The following COL21A1 variants were observed in gnomAD, a reference collection of about 807,000 sequenced individuals.
COL21A1 encodes the protein collagen type XXI alpha 1 chain, also known as collagen alpha-1(XXI) chain.
Under a neutral mutation model 137.9 loss-of-function variants are expected in COL21A1, and 149 were observed. That is an observed-to-expected ratio of 1.08 (90% CI 0.95 to 1.24). The LOEUF is 1.24. Among genes scored for constraint, COL21A1 ranks in the 50% most tolerant of loss-of-function variants. COL21A1 has a pLI of 0.00. For synonymous variants in COL21A1, 456 were observed against 391.5 expected (o/e 1.16, Z -1.95); for missense variants, 1,167 against 1,158.4 (o/e 1.01, Z -0.11).
Position 56,074,295 on chromosome 6 carries a change from T to C in COL21A1, c.1912-10A>G. ...TGCTTCCCATTAAACCCTACAATTT[T>C]AAAAAGGAATTTCAAGAGTAACTTA... On this transcript the variant is annotated splice_polypyrimidine_tract_variant and intron_variant, in intron 19 of 29. Transcript: ENST00000244728. 1.3e-6 allele frequency: 2 copies of C among 1,563,382 alleles called. No individual in the cohort carries two copies. Among genetic ancestry groups the C allele is most frequent in the African/African-American group, 1.4e-5 (1 of 72,442 alleles).
intron 1 of COL21A1, among the ~76,000 whole-genome samples, chr6:56,274,874 T>C (rs544000453): frequency 6.6e-6 from 1 of 152,082 alleles, no homozygotes; most frequent in East Asian, 1.9e-4. Context: ...CTAAAATTCA[T>C]ATGGAACCAA....
At position 56,066,482 on chromosome 6, in the gene COL21A1, G is replaced by T. The variant is rs560922658; in HGVS notation, c.2127+813C>A. ...TTTTCAGCTTATTCTGCATAGCAAA[G>T]CTCAGACACTATCACTGAGACTTAC... On this transcript the variant is annotated intron_variant, in intron 23 of 29. Transcript: ENST00000244728. Among the ~76,000 whole-genome samples, 11 of 151,922 alleles carry T rather than the reference G, an allele frequency of 7.2e-5. No individual in the cohort carries two copies. In the South Asian group the frequency reaches 2.1e-3, roughly 29 times the overall value.
chr6:56,101,436 C>A, intron 17 of COL21A1, 36 bp downstream of exon 17: 5 of 1,500,364 alleles, frequency 3.3e-6, no homozygotes, highest in Non-Finnish European at 4.6e-6. Flanking sequence ...AGGAAAAGAA[C>A]TTCATCTTTT....
At chr6:56,272,722 G>C (rs757232643) in intron 1 of COL21A1, among the ~76,000 whole-genome samples, 2 of 151,948 alleles carry the variant, frequency 1.3e-5, no homozygotes, top group African/African-American at 2.4e-5. Context: ...TGATAATGAG[G>C]GAGTTCTCAT....
At chr6:56,246,525 G>T (rs1445734131) in intron 1 of COL21A1, among the ~76,000 whole-genome samples, 1 of 151,472 alleles carries the variant, frequency 6.6e-6, no homozygotes, top group Admixed American at 6.6e-5. Context: ...AGGTTCTTCT[G>T]AAAAGTGGTC....
intron 10 of COL21A1, among the ~76,000 whole-genome samples, chr6:56,149,536 T>G (rs1320875060): frequency 1.3e-5 from 2 of 152,194 alleles, no homozygotes; most frequent in African/African-American, 4.8e-5. Context: ...AATGTCAGAC[T>G]TCTATATCCA....
At chr6:56,341,131 A>T (rs1382898380) in intron 1 of COL21A1, among the ~76,000 whole-genome samples, 1 of 152,182 alleles carries the variant, frequency 6.6e-6, no homozygotes, top group Non-Finnish European at 1.5e-5. Context: ...CCAATATTAG[A>T]CTTCCATGCT....
chr6:56,322,180 G>A (rs1333428857), intron 1 of COL21A1, among the ~76,000 whole-genome samples: 1 of 152,086 alleles, frequency 6.6e-6, no homozygotes, highest in Non-Finnish European at 1.5e-5. Flanking sequence ...CATCTGAGAG[G>A]TATGCTCAGC....
intron 16 of COL21A1, among the ~76,000 whole-genome samples, chr6:56,103,241 C>A (rs987563637): frequency 1.3e-5 from 2 of 152,118 alleles, no homozygotes. Flanking sequence ...GGCCAGCAAT[C>A]TGTGTTAATA....
intron 1 of COL21A1, among the ~76,000 whole-genome samples, chr6:56,280,183 G>A (rs994176126): frequency 3.3e-5 from 5 of 152,020 alleles, no homozygotes; most frequent in Non-Finnish European, 7.4e-5. Flanking sequence ...ACTCATCTAG[G>A]ACACCTAATT....
chr6:56,229,907 A>C (rs547732733), intron 1 of COL21A1, among the ~76,000 whole-genome samples: 104 of 151,988 alleles, frequency 6.8e-4, no homozygotes, highest in African/African-American at 2.5e-3. Context: ...AAAAAACTGG[A>C]GGGATTTTTA....
At chr6:56,122,374 G>A (rs138833955) in intron 16 of COL21A1, among the ~76,000 whole-genome samples, 22,589 of 150,952 alleles carry the variant, frequency 0.15, 1,725 homozygotes, top group Middle Eastern at 0.22. Context: ...GTGCAGTGGC[G>A]CCATCTCGGC....
intron 1 of COL21A1, among the ~76,000 whole-genome samples, chr6:56,287,529 CTCTT>C (rs1763945347): frequency 6.6e-6 from 1 of 152,054 alleles, no homozygotes; most frequent in African/African-American, 2.4e-5. Flanking sequence ...TCCCCCTTCT[CTCTT>C]TCTCTCCTGA....
At position 56,060,049 on chromosome 6, in the gene COL21A1, G is replaced by A. The variant is rs1365488448; in HGVS notation, c.2577C>T (p.Val859=). ...ATCCTCTGACACCTGGACGTCCAGG[G>A]ACACCCACTAATCCAGGAACACCAT... The part of the protein sequence containing the change: ...GRDGVPGLVG[V]PGRPGVRGLK... The change falls in exon 28 of 30, where the codon GTC becomes GTT. Residue 859 remains valine (V), a synonymous_variant. Transcript: ENST00000244728. The A allele has an allele frequency of 4.4e-6, 7 of 1,607,106 alleles. No individual in the cohort carries two copies. Among genetic ancestry groups the A allele is most frequent in the Non-Finnish European group, 5.9e-6 (7 of 1,177,882 alleles).
chr6:56,262,926 A>G (rs1763313234), intron 1 of COL21A1, among the ~76,000 whole-genome samples: 1 of 152,222 alleles, frequency 6.6e-6, no homozygotes, highest in African/African-American at 2.4e-5. Flanking sequence ...AACCAAATTC[A>G]GAATAATTTG....
At position 56,133,856 on chromosome 6, in the gene COL21A1, GAAGTC is replaced by G. The variant is rs369200812; in HGVS notation, c.1543-7712_1543-7708del. Reference sequence around the variant, plus strand: ...GTGGTGTTGACACTGCAGATGCACAGAAGTCAAGAACTGAGGTTTGGGAACCTCCA... The same window carrying G: ...GTGGTGTTGACACTGCAGATGCACAGAAGAACTGAGGTTTGGGAACCTCCA... On this transcript the variant is annotated intron_variant, in intron 12 of 29. Transcript: ENST00000244728. Among the ~76,000 whole-genome samples the G allele has an allele frequency of 3.6e-3, 548 of 152,354 alleles. 6 individuals carry two copies. Among genetic ancestry groups the G allele is most frequent in the African/African-American group, 0.013 (521 of 41,586 alleles).
intron 1 of COL21A1, among the ~76,000 whole-genome samples, chr6:56,322,825 C>A (rs1474496112): frequency 7.4e-6 from 1 of 136,016 alleles, no homozygotes; most frequent in African/African-American, 2.7e-5. Flanking sequence ...CCTTTGAAAT[C>A]AAAGTTTTCA....
chr6:56,262,110 G>T (rs928129386), intron 1 of COL21A1, among the ~76,000 whole-genome samples: 1 of 152,136 alleles, frequency 6.6e-6, no homozygotes, highest in Non-Finnish European at 1.5e-5. Flanking sequence ...CAAACCTGGT[G>T]TCTTTCTTAT....
At chr6:56,341,956 T>TA (rs1328247810) in intron 1 of COL21A1, among the ~76,000 whole-genome samples, 1 of 152,172 alleles carries the variant, frequency 6.6e-6, no homozygotes, top group Non-Finnish European at 1.5e-5. Flanking sequence ...TTTTGAAATT[T>TA]AAAAAAATTA....
Sources: allele counts gnomAD v4.1 joint callset (sites outside exome capture counted in the v4.1 genomes callset), GRCh38; gene constraint gnomAD v4.1.1; transcripts MANE v1.5; gene names NCBI Gene and HGNC (gene_info 2026-07-23, HGNC 2026-07-21).